The following PRH1 variants were observed in gnomAD, a reference collection of about 807,000 sequenced individuals.
PRH1 encodes the protein salivary acidic proline-rich phosphoprotein 1/2.
Under a neutral mutation model 7.9 loss-of-function variants are expected in PRH1, and 7 were observed. The ratio of observed to expected loss-of-function variants is 0.89; its 90% confidence interval spans 0.50 to 1.67. The LOEUF is 1.67. Among genes scored for constraint, PRH1 ranks in the 40% most tolerant of loss-of-function variants. The pLI, the probability that PRH1 is intolerant of heterozygous loss-of-function variation, is 0.00. For missense variants in PRH1, 109 were observed against 223.6 expected, an observed-to-expected ratio of 0.49 and a Z score of 3.27; for synonymous variants, 45 against 80.8, an observed-to-expected ratio of 0.56 and a Z score of 2.38.
chr12:11,037,725 T>TC (rs377045680), intron 1 of PRH1, among the ~76,000 whole-genome samples: 13 of 152,292 alleles, frequency 8.5e-5, no homozygotes, highest in African/African-American at 2.9e-4. Flanking sequence ...TGCTTATCTC[T>TC]CCTTTTTTAA....
At chr12:10,967,874 G>GT in intron 2 of PRH1, among the ~76,000 whole-genome samples, 1 of 152,322 alleles carries the variant, frequency 6.6e-6, no homozygotes, top group East Asian at 1.9e-4. Flanking sequence ...GATCAAAGAG[G>GT]TGAGGGGAAA....
rs531191330 is a variant in PRH1 at position 10,890,596 on chromosome 12, C to A, written c.-58-6321G>T. Among the ~76,000 whole-genome samples the A allele has an allele frequency of 1.2e-4, 18 of 152,198 alleles. No homozygotes were observed. The South Asian group carries it at 3.5e-3, about 30-fold the overall frequency. On this transcript the variant is annotated intron_variant, in intron 2 of 3. Transcript: ENST00000539853. ...TATAAAGAACGACTGTAGGCCTCCC[C>A]GGTGCAGTGGCTCATGCCTGTAATA... is the stretch of plus-strand genomic sequence containing the variant.
chr12:11,112,256 C>G (rs931171116), intron 1 of PRH1, among the ~76,000 whole-genome samples: 4 of 152,148 alleles, frequency 2.6e-5, no homozygotes, highest in African/African-American at 4.8e-5. Flanking sequence ...CTTTCTGAAA[C>G]TATTCAAAAC....
intron 2 of PRH1, among the ~76,000 whole-genome samples, chr12:10,915,480 A>C (rs1949961253): frequency 2.2e-5 from 1 of 45,328 alleles, no homozygotes; most frequent in African/African-American, 3.8e-5. Context: ...TAAGTAGACT[A>C]AAAAATTGAG....
At chr12:11,150,392 T>C (rs908743224) in intron 1 of PRH1, among the ~76,000 whole-genome samples, 1 of 152,126 alleles carries the variant, frequency 6.6e-6, no homozygotes, top group African/African-American at 2.4e-5. Flanking sequence ...GCAGCACTAT[T>C]CACAATAGCA....
At chr12:11,014,049 T>C (rs1215030529) in intron 1 of PRH1, among the ~76,000 whole-genome samples, 1 of 152,206 alleles carries the variant, frequency 6.6e-6, no homozygotes, top group East Asian at 1.9e-4. Context: ...CTTCAAAATG[T>C]ACATTTGACA....
upstream of PRH1, among the ~76,000 whole-genome samples, chr12:10,885,093 T>A (rs1949470623): frequency 6.6e-6 from 1 of 152,154 alleles, no homozygotes; most frequent in African/African-American, 2.4e-5. Context: ...TTCCATAGAA[T>A]TCATCCTCTA....
chr12:11,050,575 C>T (rs1016831883), upstream of PRH1, among the ~76,000 whole-genome samples: 3 of 136,896 alleles, frequency 2.2e-5, no homozygotes, highest in Admixed American at 7.5e-5. Context: ...ATTTGGGGGC[C>T]TGTGCCCAAC....
chr12:10,946,901 C>T (rs1271548454), intron 2 of PRH1, among the ~76,000 whole-genome samples: 3 of 152,004 alleles, frequency 2.0e-5, no homozygotes, highest in African/African-American at 7.2e-5. Flanking sequence ...AAAAGTCATC[C>T]AGGAGCATGA....
intron 2 of PRH1, chr12:10,895,891 T>G (rs925439229): frequency 5.3e-5 from 8 of 152,216 alleles, no homozygotes; most frequent in African/African-American, 1.9e-4. Context: ...TGCCTCTACA[T>G]AGTGAATCTC....
intron 1 of PRH1, chr12:11,158,731 TCTA>T (rs1947327289): frequency 1.6e-5 from 1 of 61,546 alleles, no homozygotes; most frequent in Non-Finnish European, 5.1e-5. Flanking sequence ...TATGAGGTCT[TCTA>T]TTAAGTTATT....
intron 2 of PRH1, among the ~76,000 whole-genome samples, chr12:10,919,640 C>CA (rs767794861): frequency 7.9e-5 from 12 of 151,402 alleles, no homozygotes; most frequent in African/African-American, 1.9e-4. Flanking sequence ...TATTAAATGA[C>CA]AGAGGTCTCA....
At chr12:10,909,189 C>T (rs1397451827) in intron 2 of PRH1, 1 of 1,613,908 alleles carries the variant, frequency 6.2e-7, no homozygotes, top group Non-Finnish European at 8.5e-7. Context: ...CTCTCTTTTA[C>T]TGACCCAGTC....
At chr12:11,008,132 G>A (rs1202351040) in intron 1 of PRH1, among the ~76,000 whole-genome samples, 4 of 151,882 alleles carry the variant, frequency 2.6e-5, no homozygotes, top group South Asian at 4.2e-4. Context: ...ATAAAGCTAC[G>A]GAAAAATACG....
chr12:11,057,676 A>G (rs1943421874), intron 1 of PRH1, among the ~76,000 whole-genome samples: 1 of 150,002 alleles, frequency 6.7e-6, no homozygotes, highest in Non-Finnish European at 1.5e-5. Context: ...TGGATTATAG[A>G]ATGAGTGCAG....
intron 1 of PRH1, chr12:10,986,156 G>A: frequency 1.2e-6 from 2 of 1,614,046 alleles, no homozygotes; most frequent in Non-Finnish European, 1.7e-6. Context: ...CACATAACAA[G>A]AGGAAGGAGA....
chr12:10,983,136 G>T (rs1393078485), intron 1 of PRH1, among the ~76,000 whole-genome samples: 1 of 152,166 alleles, frequency 6.6e-6, no homozygotes, highest in African/African-American at 2.4e-5. Context: ...AGGACTCTGT[G>T]CATGCCTCTC....
At chr12:10,953,316 A>G (rs1408623212) in intron 2 of PRH1, among the ~76,000 whole-genome samples, 1 of 152,212 alleles carries the variant, frequency 6.6e-6, no homozygotes, top group African/African-American at 2.4e-5. Context: ...ACAAAGATCA[A>G]TGAAATTCAG....
intron 2 of PRH1, chr12:10,938,157 A>T: frequency 1.2e-6 from 1 of 845,254 alleles, no homozygotes; most frequent in Non-Finnish European, 1.8e-6. Flanking sequence ...TATCTTTGTA[A>T]AATTCACAAA....
Sources: allele counts gnomAD v4.1 joint callset (sites outside exome capture counted in the v4.1 genomes callset), GRCh38; gene constraint gnomAD v4.1.1; transcripts MANE v1.5; gene names NCBI Gene and HGNC (gene_info 2026-07-23, HGNC 2026-07-21).